The following ANKRD26 variants were observed in gnomAD, a reference collection of about 807,000 sequenced individuals.
ANKRD26 encodes ankyrin repeat domain 26.
Under a neutral mutation model 208.7 loss-of-function variants are expected in ANKRD26, and 141 were observed. That is an observed-to-expected ratio of 0.68 (90% confidence interval 0.59 to 0.78). The LOEUF is 0.78. Among genes scored for constraint, ANKRD26 ranks in the 30% least tolerant of loss-of-function variants. The pLI is 0.00. For missense variants in ANKRD26, 1,889 were observed against 1,938.7 expected (o/e 0.97, Z 0.48); for synonymous variants, 636 against 660.4 (o/e 0.96, Z 0.57).
chr10:27,067,348 C>G (rs1311050781), intron 9 of ANKRD26, 62 bp from the exon 10 acceptor site: 1 of 1,565,066 alleles, frequency 6.4e-7, no homozygotes, highest in African/African-American at 1.4e-5. Flanking sequence ...ATTCACTTAC[C>G]CATTCAATCA....
intron 32 of ANKRD26, among the ~76,000 whole-genome samples, chr10:27,007,479 T>C (rs2052929597): frequency 6.6e-6 from 1 of 151,994 alleles, no homozygotes; most frequent in African/African-American, 2.4e-5. Context: ...CATAGTGAAA[T>C]CCCGTCTCTA....
chr10:27,046,980 A>C (rs1487358519), intron 17 of ANKRD26, among the ~76,000 whole-genome samples: 2 of 152,132 alleles, frequency 1.3e-5, no homozygotes, highest in Non-Finnish European at 2.9e-5. Flanking sequence ...TTTCCTAGGA[A>C]CTTGAAAGAA....
chr10:26,952,948 G>T, the ANKRD26 span, among the ~76,000 whole-genome samples: 1 of 152,146 alleles, frequency 6.6e-6, no homozygotes, highest in African/African-American at 2.4e-5. Context: ...AATACAGATG[G>T]ATCAAAATGG....
downstream of ANKRD26, among the ~76,000 whole-genome samples, chr10:26,988,395 T>C (rs1178641013): frequency 1.3e-5 from 2 of 152,158 alleles, no homozygotes; most frequent in Non-Finnish European, 2.9e-5. Context: ...ATATGAAATA[T>C]ATTCCTGAGA....
the ANKRD26 span, among the ~76,000 whole-genome samples, chr10:26,950,194 G>A: frequency 6.6e-6 from 1 of 152,106 alleles, no homozygotes; most frequent in African/African-American, 2.4e-5. Context: ...TTCCCATGCT[G>A]TTCTTGTGAT....
chr10:27,013,203 G>C, intron 31 of ANKRD26, 93 bp from the exon 32 acceptor site: 2 of 1,093,360 alleles, frequency 1.8e-6, no homozygotes, highest in South Asian at 1.3e-5. Flanking sequence ...TACCATAGGA[G>C]TAAATGAAAT....
the ANKRD26 span, among the ~76,000 whole-genome samples, chr10:26,964,732 T>G: frequency 6.6e-6 from 1 of 152,172 alleles, no homozygotes; most frequent in Non-Finnish European, 1.5e-5. Flanking sequence ...ATTTAGAGAT[T>G]TGGAGTCTGG....
chr10:27,032,452 T>A (rs1307093017), intron 25 of ANKRD26, among the ~76,000 whole-genome samples: 1 of 151,988 alleles, frequency 6.6e-6, no homozygotes, highest in Non-Finnish European at 1.5e-5. Context: ...CTGGCCAACA[T>A]GGCAAAACCC....
At position 27,005,699 on chromosome 10, in the gene ANKRD26, G is replaced by C. The variant is rs1396964226; in HGVS notation, c.5024C>G (p.Ser1675Ter). 4.3e-6 allele frequency: 7 copies of C among 1,610,260 alleles called. No individual in the cohort carries two copies. The highest frequency in any genetic ancestry group is 5.9e-6 in the Non-Finnish European group (7 of 1,178,060). ...AGTAGACCCTAGAGGGGAAGCTATT[G>C]ATCCAGATTCCAATTCAGCAGCAGC... ...KEAAAELESGSIASPLGSTDE... is the reference protein window; with the variant it reads ...KEAAAELESG The change falls in exon 34 of 34, where the codon TCA (serine) becomes TGA (stop). Residue 1675 changes from serine to a stop codon, truncating the protein, a stop_gained. Coordinates refer to ENST00000376087, the MANE Select transcript of ANKRD26 (RefSeq NM_014915.3). LOFTEE classifies it low-confidence loss of function (END_TRUNC).
chr10:27,052,768 T>C (rs1380109428), intron 16 of ANKRD26, among the ~76,000 whole-genome samples: 2 of 152,118 alleles, frequency 1.3e-5, no homozygotes, highest in Admixed American at 6.6e-5. Flanking sequence ...AAAGGAATGA[T>C]TCTCTTAATA....
At position 26,984,680 on chromosome 10, in the gene ANKRD26, G is replaced by A. The variant is rs141972833; in HGVS notation, c.490-1867C>T. Among the ~76,000 whole-genome samples the A allele has an allele frequency of 1.6e-4, 25 of 152,276 alleles. No homozygotes were observed. In the East Asian group the frequency reaches 4.8e-3, roughly 29 times the overall value. On this transcript the variant is annotated intron_variant and NMD_transcript_variant, in intron 3 of 5. Transcript: ENST00000674670. ...ACAATATATTGCAATATATCTCCCT[G>A]GAGAAAAGTTGGGTCGGTTATTTGG...
chr10:27,080,459 A>G (rs1343564204), intron 6 of ANKRD26, among the ~76,000 whole-genome samples: 1 of 152,192 alleles, frequency 6.6e-6, no homozygotes, highest in Non-Finnish European at 1.5e-5. Flanking sequence ...AAATATTAAA[A>G]CATTAAAAGT....
intron 19 of ANKRD26, 30 bp from the exon 20 acceptor site, chr10:27,043,597 G>A: frequency 6.3e-7 from 1 of 1,597,878 alleles, no homozygotes; most frequent in Non-Finnish European, 8.6e-7. Flanking sequence ...GTTTCAAAAT[G>A]TCCCCAGAAT....
chr10:27,020,189 G>A (rs1384460592), intron 29 of ANKRD26, among the ~76,000 whole-genome samples: 1 of 152,140 alleles, frequency 6.6e-6, no homozygotes, highest in African/African-American at 2.4e-5. Flanking sequence ...ACACAACATT[G>A]TACATATTTA....
intron 3 of ANKRD26, among the ~76,000 whole-genome samples, chr10:26,984,490 T>C (rs2052354987): frequency 6.6e-6 from 1 of 152,222 alleles, no homozygotes; most frequent in Non-Finnish European, 1.5e-5. Context: ...TATGGACCCT[T>C]CCATTGGGGA....
downstream of ANKRD26, among the ~76,000 whole-genome samples, chr10:26,968,910 G>T (rs937798953): frequency 4.6e-5 from 7 of 152,062 alleles, no homozygotes; most frequent in Non-Finnish European, 1.0e-4. Context: ...AACAAGATAG[G>T]TCTGCAAATT....
In ANKRD26 at chr10:27,064,899, G is replaced by A. The variant is rs1589315389; in HGVS notation, c.1270-818C>T. Among the ~76,000 whole-genome samples the A allele has an allele frequency of 2.0e-5, 3 of 152,234 alleles. No individual in the cohort carries two copies. The East Asian group carries it at 5.8e-4, about 29-fold the overall frequency. On this transcript the variant is annotated intron_variant, in intron 11 of 33. Transcript: ENST00000376087. The stretch of plus-strand genomic sequence containing the variant: ...TTTATGTATTAAGCATGTGAAATGT[G>A]CCAGGCACTTATTTGCACATTTTCT...
At chr10:27,098,792 G>A (rs1589389418) in intron 1 of ANKRD26, among the ~76,000 whole-genome samples, 3 of 151,686 alleles carry the variant, frequency 2.0e-5, no homozygotes, top group East Asian at 2.0e-4. Flanking sequence ...CTCGTGATCC[G>A]CCCGCCTCGG....
At chr10:27,061,072 T>C in intron 13 of ANKRD26, 72 bp downstream of exon 13, 3 of 1,128,922 alleles carry the variant, frequency 2.7e-6, no homozygotes, top group Non-Finnish European at 4.0e-6. Flanking sequence ...AGAGAAAGTG[T>C]TCTGAATTGA....
Sources: gnomAD v4.1 joint callset for allele counts (sites outside exome capture counted in the v4.1 genomes callset) on GRCh38, gnomAD v4.1.1 for gene constraint, MANE v1.5 for transcripts, NCBI Gene and HGNC (gene_info 2026-07-23, HGNC 2026-07-21) for gene names.